The following FARS2 variants were observed in gnomAD, a reference collection of about 807,000 sequenced individuals.
The protein encoded by FARS2 is phenylalanine--tRNA ligase, mitochondrial.
In FARS2, 40 loss-of-function variants were observed where a neutral mutation model predicts 46.4. The ratio of observed to expected loss-of-function variants is 0.86; its 90% CI spans 0.67 to 1.12. The LOEUF is 1.12. Ranked by LOEUF, FARS2 falls within the 50% of genes most tolerant of loss-of-function variation. The pLI is 0.00. For synonymous variants in FARS2, 234 were observed against 214.9 expected (o/e 1.09, Z -0.78); for missense variants, 513 against 567.9 (o/e 0.90, Z 0.98).
At position 5,732,812 on chromosome 6, in the gene FARS2, CA is replaced by C. The variant is rs111399257; in HGVS notation, c.1218-38466del. On this transcript the variant is annotated intron_variant, in intron 6 of 6. Coordinates refer to ENST00000274680, the MANE Select transcript of FARS2 (RefSeq NM_006567.5). ...ATAGGTAGGACCTTTTCATATCCTT[CA>C]AAAAAAAAAAAATCAGGCATGATTC... 4.3e-3 allele frequency among the ~76,000 whole-genome samples: 616 copies of C among 144,430 alleles called. 3 individuals carry two copies. The highest frequency in any genetic ancestry group is 0.011 in the Middle Eastern group (3 of 280). 94.8% of individuals were successfully genotyped at this position (144,430 alleles called of 152,430 possible). A position where few individuals can be genotyped will look rare whatever the true frequency, so the allele number is the denominator to read the frequency against.
chr6:5,615,086 G>A (rs1276756405), intron 6 of FARS2, among the ~76,000 whole-genome samples: 1 of 152,140 alleles, frequency 6.6e-6, no homozygotes, highest in Admixed American at 6.5e-5. Context: ...CTCCACCTCA[G>A]TATTGATCTT....
At position 5,446,822 on chromosome 6, in the gene FARS2, A is replaced by G. The variant is rs60195863; in HGVS notation, c.904+15650A>G. ...AGGGGAATGAATTAACACAGCCATCATCTCACTTAGTCACCCATTTCCCCC... is the reference window on the plus strand; with the variant it reads ...AGGGGAATGAATTAACACAGCCATCGTCTCACTTAGTCACCCATTTCCCCC... On this transcript the variant is annotated intron_variant, in intron 4 of 6. Coordinates refer to ENST00000274680, the MANE Select transcript of FARS2 (RefSeq NM_006567.5). Among the ~76,000 whole-genome samples, 6 of 152,306 alleles carry G rather than the reference A, an allele frequency of 3.9e-5. No homozygotes were observed. In the East Asian group the frequency reaches 5.8e-4, roughly 15 times the overall value.
intron 2 of FARS2, chr6:5,371,198 T>C (rs1759041776): frequency 1.0e-6 from 1 of 984,524 alleles, no homozygotes; most frequent in Admixed American, 6.2e-5. Flanking sequence ...GTCAGAAGAT[T>C]GTGGTGTTTT....
chr6:5,606,019 G>C (rs1001880393), intron 5 of FARS2, among the ~76,000 whole-genome samples: 1 of 152,106 alleles, frequency 6.6e-6, no homozygotes, highest in Non-Finnish European at 1.5e-5. Flanking sequence ...GACACACACA[G>C]AATAAAACCT....
At chr6:5,458,061 G>T (rs1765006297) in intron 4 of FARS2, 1 of 152,386 alleles carries the variant, frequency 6.6e-6, no homozygotes, top group East Asian at 1.9e-4. Flanking sequence ...CCTCTGCCCA[G>T]CCCTCTCCTG....
rs1204346373 is a variant in FARS2, at chr6:5,406,667, C to T, written c.772+1966C>T. On this transcript the variant is annotated intron_variant, in intron 3 of 6. Transcript: ENST00000274680. ...TCCACGATTTGTTTATCCATACATT[C>T]ATTGATAGGTATCTGGGTAGTTTCC... Among the ~76,000 whole-genome samples, 3 of 151,932 alleles carry T rather than the reference C, an allele frequency of 2.0e-5. No individual in the cohort carries two copies. The East Asian group carries it at 5.8e-4, about 29-fold the overall frequency.
chr6:5,260,906 G>A (rs1364026536), upstream of FARS2: 3 of 1,379,212 alleles, frequency 2.2e-6, no homozygotes, highest in Admixed American at 3.3e-5. Context: ...CGCGGACGGC[G>A]CCAGGCGTCC....
At chr6:5,517,982 T>A (rs1322843241) in intron 4 of FARS2, among the ~76,000 whole-genome samples, 1 of 152,150 alleles carries the variant, frequency 6.6e-6, no homozygotes. Flanking sequence ...TGGCAGAAAT[T>A]AGGGCATGGA....
rs550177439 is a variant in FARS2, at chr6:5,615,592, T to C, written c.1217+2272T>C. Among the ~76,000 whole-genome samples the C allele has an allele frequency of 2.6e-5, 4 of 152,216 alleles. No individual in the cohort carries two copies. The South Asian group carries it at 6.2e-4, about 24-fold the overall frequency. ...AATTTCGTATGCTCCAATGGCAACA[T>C]TTTTCTGTGACTTTTCTGTTTCTCT... On this transcript the variant is annotated intron_variant, in intron 6 of 6. Transcript: ENST00000274680.
chr6:5,398,301 C>G (rs1761027600), intron 2 of FARS2, among the ~76,000 whole-genome samples: 1 of 151,990 alleles, frequency 6.6e-6, no homozygotes, highest in South Asian at 2.1e-4. Flanking sequence ...GTAAGGAAGA[C>G]CTTTACCTTC....
At chr6:5,306,310 T>C (rs758807938) in intron 1 of FARS2, among the ~76,000 whole-genome samples, 19 of 152,294 alleles carry the variant, frequency 1.2e-4, no homozygotes, top group Non-Finnish European at 2.4e-4. Flanking sequence ...ACAGTGAATG[T>C]CGAATGAAAT....
intron 6 of FARS2, among the ~76,000 whole-genome samples, chr6:5,645,222 A>G (rs1419270106): frequency 6.6e-6 from 1 of 152,196 alleles, no homozygotes; most frequent in East Asian, 1.9e-4. Context: ...TAGGCACTGG[A>G]CAAGAGTGCA....
chr6:5,634,825 C>T (rs1241857861), intron 6 of FARS2, among the ~76,000 whole-genome samples: 1 of 152,198 alleles, frequency 6.6e-6, no homozygotes, highest in Non-Finnish European at 1.5e-5. Context: ...CCCTTCGACC[C>T]AGCTAAATCA....
At chr6:5,732,511 T>C (rs1243589123) in intron 6 of FARS2, among the ~76,000 whole-genome samples, 4 of 152,100 alleles carry the variant, frequency 2.6e-5, no homozygotes, top group African/African-American at 9.7e-5. Flanking sequence ...CCACACAGAT[T>C]GTGTTCAGCA....
intron 4 of FARS2, among the ~76,000 whole-genome samples, chr6:5,432,931 T>C (rs1763312988): frequency 6.6e-6 from 1 of 152,094 alleles, no homozygotes; most frequent in African/African-American, 2.4e-5. Context: ...CTTCTTACTT[T>C]TAGGTACTCT....
intron 4 of FARS2, among the ~76,000 whole-genome samples, chr6:5,450,799 C>T (rs1191563532): frequency 6.6e-6 from 1 of 151,996 alleles, no homozygotes; most frequent in Non-Finnish European, 1.5e-5. Flanking sequence ...GGTCTCCTTG[C>T]CTCCAGGGTT....
intron 5 of FARS2, among the ~76,000 whole-genome samples, chr6:5,569,949 G>A (rs1428434780): frequency 6.7e-6 from 1 of 148,220 alleles, no homozygotes; most frequent in African/African-American, 2.5e-5. Flanking sequence ...CGGATGTCAG[G>A]GTCAGGCATA....
chr6:5,733,244 T>TA (rs1561828108), intron 6 of FARS2, among the ~76,000 whole-genome samples: 1 of 152,294 alleles, frequency 6.6e-6, no homozygotes, highest in East Asian at 1.9e-4. Context: ...GAAATCACAG[T>TA]AGCACTTTCT....
At chr6:5,362,851 C>T (rs1758392300) in intron 1 of FARS2, among the ~76,000 whole-genome samples, 1 of 151,588 alleles carries the variant, frequency 6.6e-6, no homozygotes, top group Non-Finnish European at 1.5e-5. Context: ...GATTTTTTTT[C>T]ACATACCTAT....
Sources: allele counts gnomAD v4.1 joint callset (sites outside exome capture counted in the v4.1 genomes callset), GRCh38; gene constraint gnomAD v4.1.1; transcripts MANE v1.5; gene names NCBI Gene and HGNC (gene_info 2026-07-23, HGNC 2026-07-21).